SESN1: variants seen among roughly 807,000 people sequenced by gnomAD.
SESN1 encodes the protein sestrin 1, also known as sestrin-1.
SESN1 carries 30 observed loss-of-function variants against 59.3 expected under a neutral mutation model. That is an observed-to-expected ratio of 0.51 (90% CI 0.38 to 0.69). SESN1 has a LOEUF of 0.69. Among genes scored for constraint, SESN1 ranks in the 30% least tolerant of loss-of-function variants. SESN1 has a pLI of 0.00. For synonymous variants in SESN1, 197 were observed against 219.9 expected (o/e 0.90, Z 0.92); for missense variants, 566 against 673.0 (o/e 0.84, Z 1.76).
intron 1 of SESN1, among the ~76,000 whole-genome samples, chr6:109,085,424 C>G (rs1486789922): frequency 2.0e-5 from 3 of 152,056 alleles, no homozygotes; most frequent in Non-Finnish European, 4.4e-5. Context: ...GAGGCTGAGG[C>G]AGGAGAATGG....
In SESN1 at chr6:109,094,163, T is replaced by C; in HGVS notation, c.-90A>G. 7.3e-7 allele frequency: 1 copy of C among 1,365,646 alleles called. No homozygotes were observed. Among genetic ancestry groups the C allele is most frequent in the Non-Finnish European group, 1.0e-6 (1 of 1,003,818 alleles). 84.6% of individuals were successfully genotyped at this position (1,365,646 alleles called of 1,614,324 possible). On this transcript the variant is annotated 5_prime_UTR_variant, in exon 1 of 10. Coordinates refer to ENST00000436639, the MANE Select transcript of SESN1 (RefSeq NM_014454.3). ...ATTTTTAAAATGAAAAATGTAAAAA[T>C]AAAATCAGAGAAATCAAATCGTCAT...
At chr6:109,033,012 A>G (rs898668994) in intron 1 of SESN1, among the ~76,000 whole-genome samples, 4 of 152,190 alleles carry the variant, frequency 2.6e-5, no homozygotes, top group East Asian at 3.9e-4. Context: ...TTATAATCCA[A>G]TTTAAGAAAA....
At chr6:109,026,953 T>G (rs1780104289) in intron 1 of SESN1, among the ~76,000 whole-genome samples, 2 of 152,050 alleles carry the variant, frequency 1.3e-5, no homozygotes, top group Admixed American at 6.5e-5. Context: ...ATGGATCACT[T>G]GAGGCCTGGA....
chr6:109,054,802 A>C (rs1451211413), intron 1 of SESN1, among the ~76,000 whole-genome samples: 1 of 152,080 alleles, frequency 6.6e-6, no homozygotes, highest in Non-Finnish European at 1.5e-5. Context: ...CATTTTTCCA[A>C]CTTGTGGTTT....
At chr6:109,093,025 G>A (rs951383605) in intron 1 of SESN1, among the ~76,000 whole-genome samples, 1 of 152,106 alleles carries the variant, frequency 6.6e-6, no homozygotes, top group African/African-American at 2.4e-5. Flanking sequence ...TATATAAGGT[G>A]TTGCTGAATA....
intron 1 of SESN1, among the ~76,000 whole-genome samples, chr6:109,021,736 C>T (rs1356538588): frequency 3.3e-5 from 5 of 152,258 alleles, no homozygotes; most frequent in African/African-American, 1.2e-4. Context: ...CACACCTGGC[C>T]TCATCCTTCT....
At chr6:109,009,154 A>C (rs1243235731) in intron 1 of SESN1, among the ~76,000 whole-genome samples, 1 of 151,998 alleles carries the variant, frequency 6.6e-6, no homozygotes, top group East Asian at 1.9e-4. Flanking sequence ...TCTCCCACCC[A>C]CCGCAGGCAA....
chr6:109,035,042 T>G (rs1404485251), intron 1 of SESN1, among the ~76,000 whole-genome samples: 1 of 152,128 alleles, frequency 6.6e-6, no homozygotes, highest in African/African-American at 2.4e-5. Context: ...TTTCCTCAAC[T>G]TATGGTGAGA....
chr6:109,022,192 G>A, intron 1 of SESN1, among the ~76,000 whole-genome samples: 1 of 152,060 alleles, frequency 6.6e-6, no homozygotes, highest in Non-Finnish European at 1.5e-5. Flanking sequence ...ACTGAGGAAT[G>A]AAGAATGCCT....
rs1401708301 is a variant in SESN1 at position 108,986,168 on chromosome 6, CCTT to C, written c.*1373_*1375del. Among the ~76,000 whole-genome samples, 2 of 152,162 alleles carry C rather than the reference CCTT, an allele frequency of 1.3e-5. No homozygotes were observed. The highest frequency in any genetic ancestry group is 4.8e-5 in the African/African-American group (2 of 41,438). On this transcript the variant is annotated 3_prime_UTR_variant, in exon 10 of 10. Coordinates refer to ENST00000436639, the MANE Select transcript of SESN1 (RefSeq NM_014454.3). ...GTTCTGTAGTCTCTCCCTAATGAATCCTTCTTTTTAGTAATTCTTAAAATTCTA... is the reference window on the plus strand; with the variant it reads ...GTTCTGTAGTCTCTCCCTAATGAATCCTTTTTAGTAATTCTTAAAATTCTA...
intron 1 of SESN1, among the ~76,000 whole-genome samples, chr6:109,009,156 C>T (rs1004580955): frequency 2.6e-5 from 4 of 152,216 alleles, no homozygotes; most frequent in African/African-American, 4.8e-5. Flanking sequence ...TCCCACCCAC[C>T]GCAGGCAACC....
At chr6:109,011,322 T>A (rs1456840411) in intron 1 of SESN1, among the ~76,000 whole-genome samples, 1 of 152,210 alleles carries the variant, frequency 6.6e-6, no homozygotes, top group Non-Finnish European at 1.5e-5. Context: ...AAGCTCCAAT[T>A]AGGATTCCTT....
intron 1 of SESN1, among the ~76,000 whole-genome samples, chr6:109,054,586 C>A (rs1690930458): frequency 6.6e-6 from 1 of 152,150 alleles, no homozygotes; most frequent in Non-Finnish European, 1.5e-5. Flanking sequence ...TCCTGAAGGA[C>A]AATCTACTAA....
chr6:109,058,793 G>A (rs1780680881), intron 1 of SESN1, among the ~76,000 whole-genome samples: 1 of 152,216 alleles, frequency 6.6e-6, no homozygotes, highest in South Asian at 2.1e-4. Context: ...AAACAATCTA[G>A]GCAACTGGTT....
At chr6:109,000,724 A>C in intron 3 of SESN1, 51 bp from the exon 4 acceptor site, 1 of 1,330,032 alleles carries the variant, frequency 7.5e-7, no homozygotes, top group Non-Finnish European at 9.8e-7. Flanking sequence ...CTTGAACTAC[A>C]TATCCTTTTT....
chr6:109,063,563 T>C (rs1780765954), intron 1 of SESN1, among the ~76,000 whole-genome samples: 2 of 152,172 alleles, frequency 1.3e-5, no homozygotes, highest in Admixed American at 6.5e-5. Context: ...TGCCAGAAGA[T>C]GAGTTTTGCC....
chr6:109,084,961 T>A (rs1331876928), intron 1 of SESN1, among the ~76,000 whole-genome samples: 2 of 152,130 alleles, frequency 1.3e-5, no homozygotes, highest in African/African-American at 4.8e-5. Context: ...TGGGAAAATC[T>A]AATAAATGCT....
chr6:109,063,615 G>T (rs79001549), intron 1 of SESN1, among the ~76,000 whole-genome samples: 513 of 152,242 alleles, frequency 3.4e-3, no homozygotes, highest in African/African-American at 9.9e-3. Context: ...TTAATGCTGT[G>T]ATTACTGCTG....
chr6:108,984,576 A>T lies in SESN1; in HGVS notation c.*2968T>A, dbSNP rs1315820871. Reference sequence around the variant, plus strand: ...AGGATTACATTTCAGCATACAACATACATCAACATACAAATGTAGGGGAAG... The same window carrying T: ...AGGATTACATTTCAGCATACAACATTCATCAACATACAAATGTAGGGGAAG... On this transcript the variant is annotated 3_prime_UTR_variant, in exon 10 of 10. Transcript: ENST00000436639. 1.3e-5 allele frequency among the ~76,000 whole-genome samples: 2 copies of T among 152,222 alleles called. No homozygotes were observed. The highest frequency in any genetic ancestry group is 4.8e-5 in the African/African-American group (2 of 41,464).
Sources: gnomAD v4.1 joint callset for allele counts (sites outside exome capture counted in the v4.1 genomes callset) on GRCh38, gnomAD v4.1.1 for gene constraint, MANE v1.5 for transcripts, NCBI Gene and HGNC (gene_info 2026-07-23, HGNC 2026-07-21) for gene names.